The following SMG6 variants were observed in gnomAD, a reference collection of about 807,000 sequenced individuals.
The protein encoded by SMG6 is telomerase-binding protein EST1A.
A neutral mutation model predicts 142.2 loss-of-function variants in SMG6; 66 were observed. That is an observed-to-expected ratio of 0.46 (90% CI 0.38 to 0.57). The LOEUF (loss-of-function observed/expected upper bound fraction) is 0.57, where lower values mean the gene tolerates loss of function less well. Ranked by LOEUF, SMG6 falls within the 20% of genes least tolerant of loss-of-function variation. The pLI, the probability that SMG6 is intolerant of heterozygous loss-of-function variation, is 0.00. For missense variants in SMG6, 1,793 were observed against 1,832.0 expected (o/e 0.98, Z 0.39); for synonymous variants, 779 against 702.4 (o/e 1.11, Z -1.72).
chr17:2,211,939 G>A (rs979035543), intron 10 of SMG6, among the ~76,000 whole-genome samples: 3 of 152,096 alleles, frequency 2.0e-5, no homozygotes, highest in African/African-American at 7.2e-5. Flanking sequence ...GACTCCCCAA[G>A]AGCCAGTTTG....
At chr17:2,223,658 C>T (rs2073239152) in intron 10 of SMG6, among the ~76,000 whole-genome samples, 1 of 152,160 alleles carries the variant, frequency 6.6e-6, no homozygotes, top group Non-Finnish European at 1.5e-5. Flanking sequence ...TAAATGGCTC[C>T]TATCACTTCA....
chr17:2,169,957 A>G (rs2071452454), intron 13 of SMG6, among the ~76,000 whole-genome samples: 2 of 152,182 alleles, frequency 1.3e-5, no homozygotes, highest in African/African-American at 4.8e-5. Context: ...TTGAAGGTAA[A>G]GAAGACATTA....
At chr17:2,242,379 A>AAAGAATAAGAAAGAAGCAGGAGTACC (rs2073826090) in intron 9 of SMG6, among the ~76,000 whole-genome samples, 3 of 115,784 alleles carry the variant, frequency 2.6e-5, no homozygotes, top group African/African-American at 8.6e-5. Flanking sequence ...AAAAAAAAAA[A>AAAGAATAAGAAAGAAGCAGGAGTACC]ATTAGTCGGG....
intron 13 of SMG6, among the ~76,000 whole-genome samples, chr17:2,145,707 G>A (rs1199235052): frequency 6.8e-6 from 1 of 148,148 alleles, no homozygotes; most frequent in African/African-American, 2.5e-5. Flanking sequence ...CAGAGAGGAT[G>A]CTGATGTACC....
chr17:2,300,699 G>C, intron 1 of SMG6, 35 bp from the exon 2 acceptor site: 1 of 1,517,786 alleles, frequency 6.6e-7, no homozygotes, highest in South Asian at 1.3e-5. Flanking sequence ...GGAGGGAAAG[G>C]TAGAAGATAA....
chr17:2,270,982 C>T (rs1474432833), intron 8 of SMG6, among the ~76,000 whole-genome samples: 1 of 152,128 alleles, frequency 6.6e-6, no homozygotes, highest in Non-Finnish European at 1.5e-5. Flanking sequence ...ACAGTTGTAA[C>T]TTTAATTGTG....
intron 13 of SMG6, among the ~76,000 whole-genome samples, chr17:2,096,591 C>T (rs2068862120): frequency 6.6e-6 from 1 of 152,108 alleles, no homozygotes; most frequent in South Asian, 2.1e-4. Flanking sequence ...AGTGATCCTC[C>T]TGTATTGGCC....
chr17:2,184,180 T>C (rs1489753493), intron 12 of SMG6, among the ~76,000 whole-genome samples: 1 of 151,762 alleles, frequency 6.6e-6, no homozygotes, highest in African/African-American at 2.4e-5. Context: ...CTGACCAGCA[T>C]GGTGAAACCC....
intron 13 of SMG6, among the ~76,000 whole-genome samples, chr17:2,137,520 T>C (rs1034640341): frequency 6.6e-6 from 1 of 151,920 alleles, no homozygotes; most frequent in African/African-American, 2.4e-5. Flanking sequence ...ACCTTTCACA[T>C]GCAAATGGGC....
rs569895957 is a variant in SMG6 at position 2,108,801 on chromosome 17, G to A, written c.3358-22900C>T. On this transcript the variant is annotated intron_variant, in intron 13 of 18. Coordinates refer to ENST00000263073, the MANE Select transcript of SMG6 (RefSeq NM_017575.5). ...TGCTAAAAATATAAAAAAATTAGTC[G>A]CGCATGGTGGCGGGCGCCTGTAATC... Among the ~76,000 whole-genome samples the A allele has an allele frequency of 1.1e-3, 164 of 152,102 alleles. 1 individual carries two copies. In the South Asian group the frequency reaches 0.024, roughly 22 times the overall value.
chr17:2,102,972 C>A (rs141150473), intron 13 of SMG6, among the ~76,000 whole-genome samples: 1 of 152,296 alleles, frequency 6.6e-6, no homozygotes, highest in African/African-American at 2.4e-5. Context: ...AACAGAATTT[C>A]TTTTTAAAGG....
In SMG6 at chr17:2,299,580, C is replaced by T. The variant is rs747277997; in HGVS notation, c.1173G>A (p.Lys391=). 6.2e-7 allele frequency: 1 copy of T among 1,614,194 alleles called. No homozygotes were observed. The highest frequency in any genetic ancestry group is 2.2e-5 in the East Asian group (1 of 44,884). Residue 391 remains lysine (K), a synonymous_variant, in exon 2 of 19, where the codon AAG becomes AAA. Transcript: ENST00000263073. The surrounding 1 kb of genome is among the most constrained non-coding windows in gnomAD (Gnocchi z 4.3). ...CTTGTTTCGGGTTTTTGGACTCCTGCTTCTCAGAGCCTTTGCCCCCACTGC... is the reference window on the plus strand; with the variant it reads ...CTTGTTTCGGGTTTTTGGACTCCTGTTTCTCAGAGCCTTTGCCCCCACTGC... The part of the protein sequence containing the change: ...GLSSGGKGSE[K]QESKNPKQEL...
intron 12 of SMG6, chr17:2,173,171 A>G: frequency 2.7e-6 from 1 of 367,060 alleles, no homozygotes; most frequent in East Asian, 6.2e-5. Flanking sequence ...AGTGTGCCTG[A>G]GACGCTTACT....
At chr17:2,147,723 G>A (rs1468709387) in intron 13 of SMG6, among the ~76,000 whole-genome samples, 3 of 152,154 alleles carry the variant, frequency 2.0e-5, no homozygotes, top group Admixed American at 2.0e-4. Flanking sequence ...TTAGGAAAAT[G>A]CAAAATCAAA....
intron 13 of SMG6, among the ~76,000 whole-genome samples, chr17:2,098,856 C>T (rs1399731362): frequency 6.6e-6 from 1 of 152,104 alleles, no homozygotes; most frequent in Non-Finnish European, 1.5e-5. Flanking sequence ...GTCTCAAACT[C>T]CTGACCTCAG....
chr17:2,177,174 G>C (rs2071675973), intron 12 of SMG6, among the ~76,000 whole-genome samples: 1 of 152,122 alleles, frequency 6.6e-6, no homozygotes, highest in East Asian at 1.9e-4. Flanking sequence ...CTCTCAGAGG[G>C]GCCATGGGTT....
At chr17:2,214,316 C>T (rs2072949061) in intron 10 of SMG6, 1 of 152,048 alleles carries the variant, frequency 6.6e-6, no homozygotes, top group Non-Finnish European at 1.5e-5. Flanking sequence ...GAGAGTCTGA[C>T]CAGCAAAGAA....
chr17:2,088,574 T>A (rs1422020588), intron 13 of SMG6: 7 of 985,468 alleles, frequency 7.1e-6, no homozygotes, highest in Non-Finnish European at 8.4e-6. Context: ...GACCTGGTGT[T>A]AACAGGCCTG....
intron 13 of SMG6, among the ~76,000 whole-genome samples, chr17:2,157,078 A>G (rs2071030966): frequency 6.6e-6 from 1 of 152,174 alleles, no homozygotes; most frequent in South Asian, 2.1e-4. Context: ...GGGTTAACCT[A>G]AAAAGGTTCC....
Sources: gnomAD v4.1 joint callset for allele counts (sites outside exome capture counted in the v4.1 genomes callset) on GRCh38, gnomAD v4.1.1 for gene constraint, Gnocchi (gnomAD v3.1) non-coding constraint, MANE v1.5 for transcripts, NCBI Gene and HGNC (gene_info 2026-07-23, HGNC 2026-07-21) for gene names.